MRE11: variants seen among roughly 807,000 people sequenced by gnomAD.
MRE11 encodes double-strand break repair protein MRE11.
MRE11 carries 62 observed loss-of-function variants against 91.7 expected under a neutral mutation model. That is an observed-to-expected ratio of 0.68 (90% confidence interval 0.55 to 0.84). The LOEUF (loss-of-function observed/expected upper bound fraction) is 0.84, where lower values mean the gene tolerates loss of function less well. Among genes scored for constraint, MRE11 ranks in the 40% least tolerant of loss-of-function variants. The pLI, the probability that MRE11 is intolerant of heterozygous loss-of-function variation, is 0.00. For synonymous variants in MRE11, 273 were observed against 271.4 expected, an observed-to-expected ratio of 1.01 and a Z score of -0.06; for missense variants, 796 against 852.9, an observed-to-expected ratio of 0.93 and a Z score of 0.83.
intron 14 of MRE11, among the ~76,000 whole-genome samples, chr11:94,454,445 T>G (rs1946196749): frequency 6.6e-6 from 1 of 152,112 alleles, no homozygotes; most frequent in African/African-American, 2.4e-5. Flanking sequence ...TATAAGTAAT[T>G]TAAGCATGGC....
In MRE11 at chr11:94,450,151, T is replaced by A. The variant is rs187503741; in HGVS notation, c.1564-2713A>T. Among the ~76,000 whole-genome samples, 488 of 152,330 alleles carry A rather than the reference T, an allele frequency of 3.2e-3. 2 individuals are homozygous for A. Among genetic ancestry groups the A allele is most frequent in the Middle Eastern group, 6.8e-3 (2 of 294 alleles). On this transcript the variant is annotated intron_variant, in intron 14 of 19. Coordinates refer to ENST00000323929, the MANE Select transcript of MRE11 (RefSeq NM_005591.4). ...ATGAGTTCAATGCTAATGAATCAAA[T>A]GTTAAATACAGTATCTTTAAACAGA... is the stretch of plus-strand genomic sequence containing the variant.
At chr11:94,424,407 G>A (rs1263641479) in intron 19 of MRE11, among the ~76,000 whole-genome samples, 2 of 152,178 alleles carry the variant, frequency 1.3e-5, no homozygotes, top group Admixed American at 1.3e-4. Context: ...CCTCTAACAT[G>A]AGAAAGAATC....
At chr11:94,510,040 C>T in the MRE11 span, among the ~76,000 whole-genome samples, 2 of 152,034 alleles carry the variant, frequency 1.3e-5, no homozygotes, top group South Asian at 2.1e-4. Context: ...GAAGTGTTAA[C>T]ATTTTTTTTT....
chr11:94,453,636 C>G lies in MRE11; in HGVS notation c.1563+2640G>C, dbSNP rs570394110. ...TCTTTGGAGAAATGTCTATTCAAGT[C>G]CTTTGCCCATTGTAAAAATTGGGTT... On this transcript the variant is annotated intron_variant, in intron 14 of 19. Coordinates refer to ENST00000323929, the MANE Select transcript of MRE11 (RefSeq NM_005591.4). Among the ~76,000 whole-genome samples the G allele has an allele frequency of 1.7e-3, 258 of 152,228 alleles. 1 individual carries two copies. The highest frequency in any genetic ancestry group is 5.9e-3 in the African/African-American group (243 of 41,532).
At chr11:94,483,826 G>C (rs1591715472) in intron 4 of MRE11, 3 of 152,068 alleles carry the variant, frequency 2.0e-5, no homozygotes, top group South Asian at 2.1e-4. Context: ...ATAGGAAAGA[G>C]AGCCAGACCC....
Position 94,417,596 on chromosome 11 carries a change from G to A in MRE11, c.*2529C>T, listed in dbSNP as rs1021592642. 4 of 232,962 alleles carry A rather than the reference G, an allele frequency of 1.7e-5. No individual in the cohort carries two copies. Among genetic ancestry groups the A allele is most frequent in the Non-Finnish European group, 3.4e-5 (4 of 117,966 alleles). The allele number at this position is 232,962 out of a possible 1,614,324, so 14.4% of individuals were successfully genotyped here. A position where few individuals can be genotyped will look rare whatever the true frequency, so the allele number is the denominator to read the frequency against. On this transcript the variant is annotated 3_prime_UTR_variant, in exon 20 of 20. Coordinates refer to ENST00000323929, the MANE Select transcript of MRE11 (RefSeq NM_005591.4). ...GAAGCACCACCTTGTGGCAAAAGTA[G>A]GAGCTTTTAAATTACAGAAGTTAGG...
chr11:94,437,325 T>C, intron 16 of MRE11, 90 bp from the exon 17 acceptor site: 2 of 1,189,154 alleles, frequency 1.7e-6, no homozygotes, highest in Non-Finnish European at 2.4e-6. Context: ...ATTTTCTGAG[T>C]CCTATCTGCA....
chr11:94,454,124 A>T (rs1315318239), intron 14 of MRE11, among the ~76,000 whole-genome samples: 1 of 145,358 alleles, frequency 6.9e-6, no homozygotes, highest in African/African-American at 2.6e-5. Context: ...TCCAGGTTGG[A>T]GTGCAGTGGC....
At chr11:94,496,520 T>A, upstream of MRE11, 1 of 582,424 alleles carries the variant, frequency 1.7e-6, no homozygotes, top group Non-Finnish European at 2.9e-6. Context: ...AGGGTTTAAT[T>A]GTATATGTTT....
At chr11:94,452,227 T>C (rs1017244580) in intron 14 of MRE11, among the ~76,000 whole-genome samples, 1 of 142,470 alleles carries the variant, frequency 7.0e-6, no homozygotes, top group Non-Finnish European at 1.5e-5. Context: ...GAAAGACCAA[T>C]ACCCTACTCG....
Position 94,486,014 on chromosome 11 carries a change from C to T in MRE11, c.224G>A (p.Cys75Tyr), listed in dbSNP as rs772423554. The part of the protein sequence containing the change: ...NKPSRKTLHT[C>Y]LELLRKYCMG... ...ACAATATTTTCTTAATAACTCGAGG[C>T]AGGTATGTAATGTTTTCCTTGAGGG... Residue 75 changes from cysteine (C) to tyrosine (Y), a missense_variant, in exon 4 of 20, where the codon TGC (cysteine) becomes TAC (tyrosine). Coordinates refer to ENST00000323929, the MANE Select transcript of MRE11 (RefSeq NM_005591.4). The T allele has an allele frequency of 6.2e-7, 1 of 1,613,742 alleles. No homozygotes were observed. The highest frequency in any genetic ancestry group is 8.5e-7 in the Non-Finnish European group (1 of 1,179,890).
the MRE11 span, among the ~76,000 whole-genome samples, chr11:94,508,267 C>T: frequency 5.9e-5 from 9 of 152,276 alleles, no homozygotes; most frequent in South Asian, 4.1e-4. Context: ...TTAATTTTAA[C>T]GACCTCTACT....
At chr11:94,438,300 G>A (rs1945679789) in intron 16 of MRE11, among the ~76,000 whole-genome samples, 1 of 152,136 alleles carries the variant, frequency 6.6e-6, no homozygotes, top group African/African-American at 2.4e-5. Flanking sequence ...AAAAAATCCT[G>A]CAAAGTCCAA....
chr11:94,484,183 G>C (rs1368353805), intron 4 of MRE11, among the ~76,000 whole-genome samples: 3 of 152,042 alleles, frequency 2.0e-5, no homozygotes, highest in Admixed American at 2.0e-4. Context: ...AGTAAATTAT[G>C]ATAGTAATAA....
At chr11:94,435,372 T>C (rs1945577375) in intron 18 of MRE11, among the ~76,000 whole-genome samples, 1 of 152,052 alleles carries the variant, frequency 6.6e-6, no homozygotes, top group Admixed American at 6.6e-5. Context: ...TTGGGCAACA[T>C]GGCAAAACCC....
the MRE11 span, among the ~76,000 whole-genome samples, chr11:94,507,063 A>G: frequency 2.0e-5 from 3 of 152,192 alleles, no homozygotes; most frequent in Non-Finnish European, 4.4e-5. Context: ...GAGTTCTTCA[A>G]AGTGAATAGG....
chr11:94,434,966 A>G (rs1945564561), intron 18 of MRE11, among the ~76,000 whole-genome samples: 1 of 152,232 alleles, frequency 6.6e-6, no homozygotes, highest in Admixed American at 6.5e-5. Context: ...AATTCTCATT[A>G]TTCGAGCTTT....
chr11:94,476,457 A>T, intron 6 of MRE11, 54 bp from the exon 7 acceptor site: 2 of 1,212,884 alleles, frequency 1.6e-6, no homozygotes, highest in Admixed American at 1.7e-5. Flanking sequence ...GGCTTAAAAA[A>T]TGAATCTATT....
At chr11:94,506,690 C>A in the MRE11 span, among the ~76,000 whole-genome samples, 1 of 151,148 alleles carries the variant, frequency 6.6e-6, no homozygotes, top group Non-Finnish European at 1.5e-5. Flanking sequence ...CTGGACTCAA[C>A]TGATCCTCCA....
Sources: allele counts gnomAD v4.1 joint callset (sites outside exome capture counted in the v4.1 genomes callset), GRCh38; gene constraint gnomAD v4.1.1; transcripts MANE v1.5; gene names NCBI Gene and HGNC (gene_info 2026-07-23, HGNC 2026-07-21).